The following CRACDL variants were observed in gnomAD, a reference collection of about 807,000 sequenced individuals.
CRACDL encodes the protein CRACD like, also known as CRACD-like protein.
Under a neutral mutation model 70.6 loss-of-function variants are expected in CRACDL, and 26 were observed. The observed-to-expected ratio is 0.37, with a 90% CI of 0.27 to 0.51. CRACDL has a LOEUF of 0.51. Ranked by LOEUF, CRACDL falls within the 20% of genes least tolerant of loss-of-function variation. CRACDL has a pLI of 0.94. For synonymous variants in CRACDL, 618 were observed against 615.2 expected, an observed-to-expected ratio of 1.00 and a Z score of -0.07; for missense variants, 1,283 against 1,376.9, an observed-to-expected ratio of 0.93 and a Z score of 1.08.
chr2:98,867,416 C>G (rs529071630), intron 1 of CRACDL, among the ~76,000 whole-genome samples: 8 of 152,158 alleles, frequency 5.3e-5, no homozygotes, highest in Non-Finnish European at 1.0e-4. Flanking sequence ...GAATACAATT[C>G]ATGTCTTAGA....
chr2:98,887,180 C>T (rs898482844), intron 1 of CRACDL, among the ~76,000 whole-genome samples: 5 of 151,902 alleles, frequency 3.3e-5, no homozygotes, highest in Non-Finnish European at 5.9e-5. Flanking sequence ...TTTAAGGCAT[C>T]GAAAAAAATA....
chr2:98,854,290 A>G (rs1403963459), intron 1 of CRACDL, among the ~76,000 whole-genome samples: 1 of 150,398 alleles, frequency 6.6e-6, no homozygotes, highest in African/African-American at 2.4e-5. Flanking sequence ...AAAAAAAAAA[A>G]AAAAAAAAAA....
intron 1 of CRACDL, among the ~76,000 whole-genome samples, chr2:98,923,232 C>G (rs1708844611): frequency 6.7e-6 from 1 of 149,898 alleles, no homozygotes; most frequent in Non-Finnish European, 1.5e-5. Flanking sequence ...GATCATGACA[C>G]TGCACTCCAG....
chr2:98,868,970 A>C (rs1264160869), intron 1 of CRACDL: 4 of 500,364 alleles, frequency 8.0e-6, no homozygotes, highest in Admixed American at 5.7e-5. Context: ...CTGCAGATTT[A>C]TCCATAGGCC....
At chr2:98,858,675 A>G (rs974661591) in intron 1 of CRACDL, among the ~76,000 whole-genome samples, 1 of 152,108 alleles carries the variant, frequency 6.6e-6, no homozygotes, top group African/African-American at 2.4e-5. Context: ...ATAGAAAAAC[A>G]TTTTAAATAA....
chr2:98,848,853 G>A (rs923746291), intron 1 of CRACDL, among the ~76,000 whole-genome samples: 1 of 152,218 alleles, frequency 6.6e-6, no homozygotes, highest in East Asian at 1.9e-4. Flanking sequence ...CTCCCAAAGT[G>A]CTTGGGATTA....
rs1056122029 is a variant in CRACDL at position 98,883,933 on chromosome 2, C to T, written c.-10-37123G>A. Among the ~76,000 whole-genome samples, 4 of 152,196 alleles carry T rather than the reference C, an allele frequency of 2.6e-5. No homozygotes were observed. In the South Asian group the frequency reaches 8.3e-4, roughly 32 times the overall value. Reference sequence around the variant, plus strand: ...CAAAATGCAGCACATGGGCACCCACCCACACCACCTCCAGACAGACCTGCT... The same window carrying T: ...CAAAATGCAGCACATGGGCACCCACTCACACCACCTCCAGACAGACCTGCT... On this transcript the variant is annotated intron_variant, in intron 1 of 9. Coordinates refer to ENST00000397899, the MANE Select transcript of CRACDL (RefSeq NM_207362.3).
chr2:98,814,888 T>G (rs1485754221), intron 7 of CRACDL, among the ~76,000 whole-genome samples: 1 of 152,214 alleles, frequency 6.6e-6, no homozygotes, highest in African/African-American at 2.4e-5. Flanking sequence ...AGTACTCTTA[T>G]GCATTCTTGA....
At chr2:98,879,431 A>G (rs1377065990) in intron 1 of CRACDL, among the ~76,000 whole-genome samples, 1 of 152,178 alleles carries the variant, frequency 6.6e-6, no homozygotes, top group Admixed American at 6.5e-5. Flanking sequence ...ATATCTTCCT[A>G]GTTTGTAATT....
chr2:98,895,991 C>T (rs577475710), intron 1 of CRACDL, among the ~76,000 whole-genome samples: 2 of 152,150 alleles, frequency 1.3e-5, no homozygotes, highest in Non-Finnish European at 2.9e-5. Context: ...AATCTGCTGG[C>T]GCCTTGATCT....
At chr2:98,863,246 A>G (rs1157230777) in intron 1 of CRACDL, among the ~76,000 whole-genome samples, 1 of 152,212 alleles carries the variant, frequency 6.6e-6, no homozygotes, top group Non-Finnish European at 1.5e-5. Flanking sequence ...GTAGGCTGAT[A>G]TGTTCAAAGT....
chr2:98,916,514 A>T (rs557063921), intron 1 of CRACDL, among the ~76,000 whole-genome samples: 34 of 149,392 alleles, frequency 2.3e-4, no homozygotes, highest in South Asian at 4.3e-4. Context: ...TGTTTTTTTT[A>T]AAAAATGCTG....
rs184052880 is a variant in CRACDL, at chr2:98,911,264, G to A, written c.-11+24674C>T. On this transcript the variant is annotated intron_variant, in intron 1 of 9. Transcript: ENST00000397899. Reference sequence around the variant, plus strand: ...CAAGCGAGACTGCTGGGTGCACACTGGGCCTTGCAAAGAACAGAGGCTACA... The same window carrying A: ...CAAGCGAGACTGCTGGGTGCACACTAGGCCTTGCAAAGAACAGAGGCTACA... Among the ~76,000 whole-genome samples the A allele has an allele frequency of 4.4e-3, 663 of 152,310 alleles. 10 individuals are homozygous for A. The highest frequency in any genetic ancestry group is 0.012 in the South Asian group (56 of 4,828).
At chr2:98,871,749 A>T (rs1707354296) in intron 1 of CRACDL, among the ~76,000 whole-genome samples, 1 of 152,254 alleles carries the variant, frequency 6.6e-6, no homozygotes, top group Non-Finnish European at 1.5e-5. Flanking sequence ...GGCAGACCAG[A>T]CACAGCAGCA....
At chr2:98,865,817 T>G (rs1707114099) in intron 1 of CRACDL, among the ~76,000 whole-genome samples, 1 of 147,066 alleles carries the variant, frequency 6.8e-6, no homozygotes, top group Non-Finnish European at 1.5e-5. Flanking sequence ...TTTTTTTTTT[T>G]GAGACGGAGT....
chr2:98,866,472 C>CTTTTTTTTTTTTTTTT (rs869154325), intron 1 of CRACDL, among the ~76,000 whole-genome samples: 1 of 107,812 alleles, frequency 9.3e-6, no homozygotes, highest in Non-Finnish European at 1.8e-5. Flanking sequence ...ACAATCACTT[C>CTTTTTTTTTTTTTTTT]TTCTTTTTTT....
intron 1 of CRACDL, among the ~76,000 whole-genome samples, chr2:98,852,255 A>G (rs1019501753): frequency 1.3e-5 from 2 of 152,196 alleles, no homozygotes; most frequent in African/African-American, 2.4e-5. Flanking sequence ...ACTCCAAGGA[A>G]CCAGGCAGAA....
intron 1 of CRACDL, among the ~76,000 whole-genome samples, chr2:98,858,467 A>G (rs771934105): frequency 2.0e-5 from 3 of 148,848 alleles, no homozygotes; most frequent in Admixed American, 6.9e-5. Flanking sequence ...GTAAGCCCAG[A>G]TCGCACCACT....
At chr2:98,844,531 A>G (rs926825922) in intron 2 of CRACDL, among the ~76,000 whole-genome samples, 3 of 152,142 alleles carry the variant, frequency 2.0e-5, no homozygotes, top group Admixed American at 2.0e-4. Flanking sequence ...TTCCAATATG[A>G]TCTCATCTTA....
Sources: gnomAD v4.1 joint callset for allele counts (sites outside exome capture counted in the v4.1 genomes callset) on GRCh38, gnomAD v4.1.1 for gene constraint, MANE v1.5 for transcripts, NCBI Gene and HGNC (gene_info 2026-07-23, HGNC 2026-07-21) for gene names.